The following TM6SF1 variants were observed in gnomAD, a reference collection of about 807,000 sequenced individuals.
The protein encoded by TM6SF1 is transmembrane 6 superfamily member 1.
A neutral mutation model predicts 47.1 loss-of-function variants in TM6SF1; 43 were observed. The observed-to-expected ratio is 0.91, with a 90% CI of 0.72 to 1.18. The LOEUF (loss-of-function observed/expected upper bound fraction) is 1.18, where lower values mean the gene tolerates loss of function less well. Among genes scored for constraint, TM6SF1 ranks in the 50% most tolerant of loss-of-function variants. TM6SF1 has a pLI of 0.00. For synonymous variants in TM6SF1, 177 were observed against 166.3 expected, an observed-to-expected ratio of 1.06 and a Z score of -0.49; for missense variants, 390 against 449.0, an observed-to-expected ratio of 0.87 and a Z score of 1.19.
intron 3 of TM6SF1, 115 bp downstream of exon 3, chr15:83,116,057 T>G (rs2065615528): frequency 3.8e-6 from 3 of 782,584 alleles, no homozygotes; most frequent in Non-Finnish European, 6.4e-6. Flanking sequence ...ACGCAGGCTT[T>G]CATTTCCTAT....
At chr15:83,108,171 T>A (rs1449421506) in intron 1 of TM6SF1, among the ~76,000 whole-genome samples, 1 of 152,162 alleles carries the variant, frequency 6.6e-6, no homozygotes, top group Non-Finnish European at 1.5e-5. Flanking sequence ...CACGGGAACG[T>A]TTCCATGTAT....
At chr15:83,127,188 C>T (rs1251376584) in intron 8 of TM6SF1, among the ~76,000 whole-genome samples, 170 bp from the exon 9 acceptor site, 1 of 148,798 alleles carries the variant, frequency 6.7e-6, no homozygotes, top group African/African-American at 2.5e-5. Context: ...AGTGAGACTC[C>T]ACCTAAAAAA....
chr15:83,136,132 GAA>G (rs1251719512), intron 9 of TM6SF1: 1 of 175,342 alleles, frequency 5.7e-6, no homozygotes, highest in Non-Finnish European at 1.2e-5. Flanking sequence ...ACGCAAATCA[GAA>G]AAAAATTTGA....
intron 1 of TM6SF1, chr15:83,111,452 T>G (rs1293223753): frequency 5.6e-6 from 1 of 179,370 alleles, no homozygotes; most frequent in Non-Finnish European, 1.1e-5. Context: ...CCATCATCTA[T>G]CCATCCTTTC....
intron 9 of TM6SF1, chr15:83,135,194 T>A (rs2036528882): frequency 6.6e-6 from 1 of 152,226 alleles, no homozygotes; most frequent in South Asian, 2.1e-4. Context: ...CATTAAAATA[T>A]CTGCCACTGA....
chr15:83,107,975 A>G lies in TM6SF1; in HGVS notation c.92+203A>G. ...GGCCGGGTCTTGGAGCCGGGCCCTG[A>G]GGTGCCCAGGCTGGCGCATTTCGGG... On this transcript the variant is annotated intron_variant, in intron 1 of 9. Transcript: ENST00000322019. The surrounding 1 kb of genome is among the most constrained non-coding windows in gnomAD (Gnocchi z 5.6). 1 of 1,085,972 alleles carries G rather than the reference A, an allele frequency of 9.2e-7. No homozygotes were observed. Among genetic ancestry groups the G allele is most frequent in the Non-Finnish European group, 1.2e-6 (1 of 836,928 alleles). The allele number at this position is 1,085,972 out of a possible 1,614,324, so 67.3% of individuals were successfully genotyped here.
chr15:83,118,230 T>TAC (rs72160704), intron 3 of TM6SF1, among the ~76,000 whole-genome samples: 5,624 of 146,270 alleles, frequency 0.038, 116 homozygotes, highest in Middle Eastern at 0.056. Context: ...TCTCTGTACG[T>TAC]ACACACACAC....
chr15:83,123,097 T>C (rs530031337), intron 6 of TM6SF1, among the ~76,000 whole-genome samples: 2 of 152,340 alleles, frequency 1.3e-5, no homozygotes, highest in Non-Finnish European at 2.9e-5. Flanking sequence ...GGCAAGGCCA[T>C]ACTTTGGGGA....
intron 1 of TM6SF1, among the ~76,000 whole-genome samples, chr15:83,109,788 G>A (rs530715610): frequency 1.3e-5 from 2 of 152,242 alleles, no homozygotes; most frequent in South Asian, 4.1e-4. Context: ...TTTGCTCCTT[G>A]ACCATTCCTC....
intron 7 of TM6SF1, 87 bp from the exon 8 acceptor site, chr15:83,126,668 G>C (rs1395316502): frequency 1.9e-5 from 20 of 1,041,342 alleles, no homozygotes; most frequent in Non-Finnish European, 2.9e-5. Flanking sequence ...AGCAGCTTGT[G>C]ACTAAACCTG....
chr15:83,133,123 C>A (rs527673335), intron 9 of TM6SF1: 2 of 152,202 alleles, frequency 1.3e-5, no homozygotes, highest in Non-Finnish European at 2.9e-5. Context: ...CGAGGCCATA[C>A]GGCTGGTTTG....
rs993665482 is a variant in TM6SF1 at position 83,107,972 on chromosome 15, C to T, written c.92+200C>T. Reference sequence around the variant, plus strand: ...ACGGGCCGGGTCTTGGAGCCGGGCCCTGAGGTGCCCAGGCTGGCGCATTTC... The same window carrying T: ...ACGGGCCGGGTCTTGGAGCCGGGCCTTGAGGTGCCCAGGCTGGCGCATTTC... On this transcript the variant is annotated intron_variant, in intron 1 of 9. Coordinates refer to ENST00000322019, the MANE Select transcript of TM6SF1 (RefSeq NM_023003.5). The surrounding 1 kb of genome is among the most constrained non-coding windows in gnomAD (Gnocchi z 5.6). 2 of 1,099,708 alleles carry T rather than the reference C, an allele frequency of 1.8e-6. No homozygotes were observed. The highest frequency in any genetic ancestry group is 3.3e-5 in the African/African-American group (2 of 60,538). 68.1% of individuals were successfully genotyped at this position (1,099,708 alleles called of 1,614,324 possible).
At chr15:83,120,974 C>T (rs1049352257) in intron 4 of TM6SF1, among the ~76,000 whole-genome samples, 1 of 152,198 alleles carries the variant, frequency 6.6e-6, no homozygotes, top group African/African-American at 2.4e-5. Context: ...AGGACGCACA[C>T]AGTATTCTCG....
At chr15:83,122,613 T>C (rs2035372613) in intron 5 of TM6SF1, 144 bp from the exon 6 acceptor site, 1 of 806,036 alleles carries the variant, frequency 1.2e-6, no homozygotes, top group Non-Finnish European at 1.9e-6. Context: ...GTATTTTAAA[T>C]TGACCTTTTT....
chr15:83,122,433 A>G (rs2035353270), intron 5 of TM6SF1, among the ~76,000 whole-genome samples: 1 of 152,244 alleles, frequency 6.6e-6, no homozygotes, highest in African/African-American at 2.4e-5. Flanking sequence ...ATAGGGAGAT[A>G]GATATATACA....
intron 6 of TM6SF1, among the ~76,000 whole-genome samples, chr15:83,123,358 A>G (rs1360804606): frequency 6.6e-6 from 1 of 152,204 alleles, no homozygotes; most frequent in African/African-American, 2.4e-5. Context: ...GCTACAGGAC[A>G]TCTGAGACAC....
At position 83,122,019 on chromosome 15, in the gene TM6SF1, T is replaced by A. The variant is rs1179426807; in HGVS notation, c.481+16T>A. ...AACATTGTAGGTAAGAAACTTTATCTTAAAGTTCACTTTCCTTTTCTAAAA... is the reference window on the plus strand; with the variant it reads ...AACATTGTAGGTAAGAAACTTTATCATAAAGTTCACTTTCCTTTTCTAAAA... On this transcript the variant is annotated intron_variant, in intron 5 of 9. Transcript: ENST00000322019. 1 of 1,585,012 alleles carries A rather than the reference T, an allele frequency of 6.3e-7. No homozygotes were observed. The highest frequency in any genetic ancestry group is 8.6e-7 in the Non-Finnish European group (1 of 1,158,406).
Position 83,137,381 on chromosome 15 carries a change from T to C in TM6SF1, c.*709T>C, listed in dbSNP as rs1596539822. On this transcript the variant is annotated 3_prime_UTR_variant, in exon 10 of 10. Transcript: ENST00000322019. ...CTTATAAAGACAAATCTTATTAAATTTGAAACATTTCATATATACACATAA... is the reference window on the plus strand; with the variant it reads ...CTTATAAAGACAAATCTTATTAAATCTGAAACATTTCATATATACACATAA... 2 of 152,178 alleles carry C rather than the reference T, an allele frequency of 1.3e-5. No homozygotes were observed. The highest frequency in any genetic ancestry group is 4.8e-5 in the African/African-American group (2 of 41,462). 9.4% of individuals were successfully genotyped at this position (152,178 alleles called of 1,614,324 possible).
Position 83,127,450 on chromosome 15 carries a change from A to T in TM6SF1, c.894A>T (p.Thr298=). ...GATGTTCCTGGATGCCTGACATCAC[A>T]TTGATACATGCTGGAGGTCTGGCTC... is the stretch of plus-strand genomic sequence containing the variant. The part of the protein sequence containing the change: ...VPGCSWMPDI[T]LIHAGGLAQA... Residue 298 remains threonine (T), a synonymous_variant, in exon 9 of 10, where the codon ACA becomes ACT. Transcript: ENST00000322019. 1 of 1,613,848 alleles carries T rather than the reference A, an allele frequency of 6.2e-7. No individual in the cohort carries two copies.
Sources: allele counts gnomAD v4.1 joint callset (sites outside exome capture counted in the v4.1 genomes callset), GRCh38; gene constraint gnomAD v4.1.1; non-coding constraint Gnocchi (gnomAD v3.1); transcripts MANE v1.5; gene names NCBI Gene and HGNC (gene_info 2026-07-23, HGNC 2026-07-21).